The following ZNF804B variants were observed in gnomAD, a reference collection of about 807,000 sequenced individuals.
ZNF804B encodes the protein zinc finger protein 804B, also known as zinc finger 804B.
Under a neutral mutation model 101.4 loss-of-function variants are expected in ZNF804B, and 80 were observed. That is an observed-to-expected ratio of 0.79 (90% CI 0.66 to 0.95). ZNF804B has a LOEUF of 0.95. Among genes scored for constraint, ZNF804B ranks in the 40% least tolerant of loss-of-function variants. ZNF804B has a pLI of 0.00. For missense variants in ZNF804B, 1,673 were observed against 1,561.9 expected (o/e 1.07, Z -1.20); for synonymous variants, 622 against 558.8 (o/e 1.11, Z -1.59).
At chr7:89,057,923 A>C (rs568412495) in intron 1 of ZNF804B, among the ~76,000 whole-genome samples, 26 of 152,250 alleles carry the variant, frequency 1.7e-4, no homozygotes, top group African/African-American at 6.3e-4. Context: ...TTATTACAAA[A>C]ACTAATCTAG....
intron 1 of ZNF804B, among the ~76,000 whole-genome samples, chr7:89,174,488 ATC>A (rs1399093611): frequency 6.6e-6 from 1 of 151,860 alleles, no homozygotes. Context: ...CATTTTCTTT[ATC>A]TCTCTGTTGA....
intron 1 of ZNF804B, among the ~76,000 whole-genome samples, chr7:89,162,441 G>C (rs1791080589): frequency 1.3e-5 from 2 of 151,958 alleles, no homozygotes; most frequent in Admixed American, 1.3e-4. Flanking sequence ...GAAAAATATA[G>C]TTCATTTGTT....
chr7:89,248,883 T>C (rs1245185659), intron 2 of ZNF804B, among the ~76,000 whole-genome samples: 2 of 152,048 alleles, frequency 1.3e-5, no homozygotes, highest in African/African-American at 4.8e-5. Flanking sequence ...GTATCTGCTC[T>C]CTTCAAGACA....
chr7:88,911,711 G>C (rs1488472098), intron 1 of ZNF804B, among the ~76,000 whole-genome samples: 1 of 151,512 alleles, frequency 6.6e-6, no homozygotes, highest in Non-Finnish European at 1.5e-5. Context: ...AGTTCTATGA[G>C]TTTTATAAAT....
chr7:89,312,879 A>G (rs1283517342), intron 2 of ZNF804B, among the ~76,000 whole-genome samples: 1 of 152,158 alleles, frequency 6.6e-6, no homozygotes, highest in African/African-American at 2.4e-5. Flanking sequence ...TCCCATTTTA[A>G]TCATGAGAAT....
At chr7:88,811,970 T>TA (rs1287422501) in intron 1 of ZNF804B, among the ~76,000 whole-genome samples, 2 of 151,988 alleles carry the variant, frequency 1.3e-5, no homozygotes, top group South Asian at 2.1e-4. Flanking sequence ...CCCAGAACTT[T>TA]AAAAAAAATT....
intron 1 of ZNF804B, among the ~76,000 whole-genome samples, chr7:89,195,027 G>T (rs535180100): frequency 6.6e-6 from 1 of 151,540 alleles, no homozygotes; most frequent in African/African-American, 2.4e-5. Flanking sequence ...ATGCAAGGCT[G>T]GTTCAATATA....
At chr7:89,208,949 T>C (rs938386510) in intron 1 of ZNF804B, among the ~76,000 whole-genome samples, 6 of 151,992 alleles carry the variant, frequency 3.9e-5, no homozygotes, top group African/African-American at 1.5e-4. Flanking sequence ...GAGGCGGAGC[T>C]TGCAGTGAGC....
intron 2 of ZNF804B, among the ~76,000 whole-genome samples, chr7:89,254,736 C>T (rs1789599179): frequency 6.6e-6 from 1 of 151,778 alleles, no homozygotes; most frequent in South Asian, 2.1e-4. Context: ...GCCTCCGCCT[C>T]CCAGGTTCAA....
chr7:88,788,729 T>C (rs1471913981), intron 1 of ZNF804B, among the ~76,000 whole-genome samples: 1 of 152,132 alleles, frequency 6.6e-6, no homozygotes, highest in African/African-American at 2.4e-5. Flanking sequence ...GATACAAACA[T>C]GTATTTGAAG....
intron 1 of ZNF804B, among the ~76,000 whole-genome samples, chr7:89,016,896 G>A (rs1322722183): frequency 1.3e-5 from 2 of 152,258 alleles, no homozygotes; most frequent in Admixed American, 1.3e-4. Context: ...AGCTTGATGG[G>A]GATGGCATTG....
At position 89,220,074 on chromosome 7, in the gene ZNF804B, TGTATATACATATATATAC is replaced by T. The variant is rs1562920361; in HGVS notation, c.249+1781_249+1798del. On this transcript the variant is annotated intron_variant, in intron 2 of 3. Transcript: ENST00000333190. ...ATATACATATATACGCACATATATGTGTATATACATATATATACGCACATATATATGTGTGTATATACA... is the reference window on the plus strand; with the variant it reads ...ATATACATATATACGCACATATATGTGCACATATATATGTGTGTATATACA... 6.1e-3 allele frequency among the ~76,000 whole-genome samples: 595 copies of T among 96,752 alleles called. 206 individuals are homozygous for T. The highest frequency in any genetic ancestry group is 0.023 in the African/African-American group (555 of 23,952). The allele number at this position is 96,752 out of a possible 152,430, so 63.5% of individuals were successfully genotyped here.
chr7:89,236,590 A>G (rs1789285106), intron 2 of ZNF804B, among the ~76,000 whole-genome samples: 1 of 152,158 alleles, frequency 6.6e-6, no homozygotes, highest in Non-Finnish European at 1.5e-5. Flanking sequence ...AATTCACATT[A>G]GTCATATTAA....
chr7:88,952,376 A>G (rs977638979), intron 1 of ZNF804B, among the ~76,000 whole-genome samples: 1 of 151,840 alleles, frequency 6.6e-6, no homozygotes, highest in South Asian at 2.1e-4. Flanking sequence ...AAAGCAATTT[A>G]TTAATAACCA....
chr7:89,092,920 C>T (rs1294238646), intron 1 of ZNF804B, among the ~76,000 whole-genome samples: 1 of 152,082 alleles, frequency 6.6e-6, no homozygotes, highest in East Asian at 1.9e-4. Flanking sequence ...TTCATTGTTA[C>T]TGAGGTATTG....
At chr7:89,155,040 AAATT>A (rs1354339358) in intron 1 of ZNF804B, among the ~76,000 whole-genome samples, 1 of 152,050 alleles carries the variant, frequency 6.6e-6, no homozygotes, top group Non-Finnish European at 1.5e-5. Flanking sequence ...TGTACACAAA[AAATT>A]AAAAATTAAA....
intron 1 of ZNF804B, among the ~76,000 whole-genome samples, chr7:88,973,943 T>C (rs923003171): frequency 6.6e-6 from 1 of 151,350 alleles, no homozygotes; most frequent in East Asian, 2.0e-4. Flanking sequence ...AGTGAGATGT[T>C]CATTACTTTT....
intron 1 of ZNF804B, among the ~76,000 whole-genome samples, chr7:89,142,262 T>TTTTG (rs1253430783): frequency 5.3e-5 from 8 of 151,826 alleles, no homozygotes; most frequent in Admixed American, 3.9e-4. Context: ...AGGGTTTCTT[T>TTTTG]TTTGTTTGTT....
intron 1 of ZNF804B, among the ~76,000 whole-genome samples, chr7:89,176,575 C>CTTTTTTTTT: frequency 1.3e-5 from 1 of 78,682 alleles, no homozygotes; most frequent in Non-Finnish European, 2.6e-5. Flanking sequence ...TCTTTTTTTT[C>CTTTTTTTTT]TTTCTTTCTT....
Sources: gnomAD v4.1 joint callset for allele counts (sites outside exome capture counted in the v4.1 genomes callset) on GRCh38, gnomAD v4.1.1 for gene constraint, MANE v1.5 for transcripts, NCBI Gene and HGNC (gene_info 2026-07-23, HGNC 2026-07-21) for gene names.